The following JADE3 variants were observed in gnomAD, a reference collection of about 807,000 sequenced individuals.
JADE3 encodes jade family PHD finger 3, also known as protein Jade-3.
A neutral mutation model predicts 50.1 loss-of-function variants in JADE3; 2 were observed. The observed-to-expected ratio is 0.04, with a 90% confidence interval of 0.02 to 0.13. The LOEUF is 0.13. JADE3 is among the 10% of genes least tolerant of loss of function. The pLI is 1.00. For synonymous variants in JADE3, 218 were observed against 232.9 expected (o/e 0.94, Z 0.58); for missense variants, 475 against 634.4 (o/e 0.75, Z 2.70).
intron 1 of JADE3, among the ~76,000 whole-genome samples, chrX:46,974,589 T>G (rs782750723): frequency 8.9e-6 from 1 of 112,144 alleles, no homozygotes; most frequent in South Asian, 3.7e-4. Context: ...TCCTTAAGGA[T>G]TACTTCCAAA....
In JADE3 at chrX:47,059,102, A is replaced by ACCTTTG. The variant is rs1408338583; in HGVS notation, c.*34_*39dup. ...ATTAGAAACTTCCAAGGATGACCCA[A>ACCTTTG]CCTTTGCCTTTGCCCCATATATTGG... On this transcript the variant is annotated 3_prime_UTR_variant, in exon 11 of 11. Transcript: ENST00000614628. 4.5e-6 allele frequency: 5 copies of ACCTTTG among 1,108,109 alleles called. No homozygotes were observed. The highest frequency in any genetic ancestry group is 2.1e-5 in the South Asian group (1 of 46,919). The allele number at this position is 1,108,109 out of a possible 1,213,427, so 91.3% of individuals were successfully genotyped here. A position where few individuals can be genotyped will look rare whatever the true frequency, so the allele number is the denominator to read the frequency against.
At chrX:47,036,908 A>G (rs1311346674) in intron 7 of JADE3, among the ~76,000 whole-genome samples, 4 of 82,707 alleles carry the variant, frequency 4.8e-5, no homozygotes, top group African/African-American at 1.4e-4. Flanking sequence ...GAATTGAACA[A>G]TGAGATCACA....
intron 4 of JADE3, among the ~76,000 whole-genome samples, chrX:47,000,913 C>T (rs782072153): frequency 7.6e-4 from 85 of 111,815 alleles, no homozygotes; most frequent in Non-Finnish European, 1.1e-3. Context: ...TAGGGATGTG[C>T]GTTCCTAATT....
intron 6 of JADE3, among the ~76,000 whole-genome samples, chrX:47,030,327 A>G (rs890561920): frequency 2.7e-5 from 3 of 111,690 alleles, no homozygotes; most frequent in Admixed American, 9.6e-5. Flanking sequence ...CGATTCCGGT[A>G]ATGAATATAA....
chrX:46,964,168 A>T (rs890577045), intron 1 of JADE3, among the ~76,000 whole-genome samples: 5 of 112,113 alleles, frequency 4.5e-5, no homozygotes, highest in Admixed American at 3.8e-4. Context: ...TAAATCAGTC[A>T]TTAATCCTGG....
At chrX:47,034,730 G>C (rs1470503013) in intron 7 of JADE3, among the ~76,000 whole-genome samples, 1 of 108,192 alleles carries the variant, frequency 9.2e-6, no homozygotes, top group Non-Finnish European at 1.9e-5. Flanking sequence ...CTCCCGAGTA[G>C]CTGGGACTAC....
chrX:46,974,404 C>CA (rs1267918121), intron 1 of JADE3, among the ~76,000 whole-genome samples: 31 of 100,364 alleles, frequency 3.1e-4, no homozygotes, highest in Middle Eastern at 5.1e-3. Context: ...GACTCTGTCT[C>CA]AAAAAAAAAA....
chrX:46,950,430 T>C (rs937392862), intron 1 of JADE3, among the ~76,000 whole-genome samples: 1 of 112,443 alleles, frequency 8.9e-6, no homozygotes, highest in Admixed American at 9.4e-5. Flanking sequence ...AGTATAATGT[T>C]TTGGGGGTTT....
At chrX:46,935,925 G>T (rs368642120) in intron 1 of JADE3, among the ~76,000 whole-genome samples, 5 of 103,386 alleles carry the variant, frequency 4.8e-5, no homozygotes, top group African/African-American at 1.8e-4. Flanking sequence ...TGATCTCCTG[G>T]GCTAAAGCCT....
chrX:46,916,985 T>C (rs1316963856), intron 1 of JADE3, among the ~76,000 whole-genome samples: 2 of 111,602 alleles, frequency 1.8e-5, no homozygotes, highest in East Asian at 5.7e-4. Context: ...GAGAAGCCTT[T>C]GGTGTCATAT....
intron 4 of JADE3, among the ~76,000 whole-genome samples, chrX:47,018,113 C>T (rs1303974621): frequency 9.0e-6 from 1 of 110,870 alleles, no homozygotes; most frequent in Non-Finnish European, 1.9e-5. Context: ...AGTAAAAGAA[C>T]AACCCCTAAT....
chrX:46,966,131 C>CCTGGAA (rs2147122487), intron 1 of JADE3, among the ~76,000 whole-genome samples: 1 of 111,520 alleles, frequency 9.0e-6, no homozygotes, highest in East Asian at 2.8e-4. Flanking sequence ...ATTGGATGTT[C>CCTGGAA]CAGGGTAAGA....
Position 46,971,196 on chromosome X carries a change from A to G in JADE3, c.-11-13688A>G, listed in dbSNP as rs1556350201. On this transcript the variant is annotated intron_variant, in intron 1 of 10. Coordinates refer to ENST00000614628, the MANE Select transcript of JADE3 (RefSeq NM_014735.5). The stretch of plus-strand genomic sequence containing the variant: ...AATGGCGCGATCTCGGCTCACTGCA[A>G]CCTCTGCCTCCTGGGTTCAAGCAAT... Among the ~76,000 whole-genome samples the G allele has an allele frequency of 5.7e-4, 56 of 98,244 alleles. 1 individual carries two copies. The East Asian group carries it at 0.014, about 24-fold the overall frequency. 85.3% of individuals were successfully genotyped at this position (98,244 alleles called of 115,157 possible). A position where few individuals can be genotyped will look rare whatever the true frequency, so the allele number is the denominator to read the frequency against.
chrX:46,978,614 G>A (rs12843749), intron 1 of JADE3, among the ~76,000 whole-genome samples: 1 of 111,581 alleles, frequency 9.0e-6, no homozygotes, highest in African/African-American at 3.3e-5. Flanking sequence ...GAGTGGATTG[G>A]GGGGAACAGC....
At chrX:46,915,719 A>G (rs1926067864) in intron 1 of JADE3, among the ~76,000 whole-genome samples, 1 of 109,644 alleles carries the variant, frequency 9.1e-6, no homozygotes, top group African/African-American at 3.3e-5. Context: ...CAAAATTCTT[A>G]CCATTAGAAC....
chrX:47,030,264 A>G (rs1282509598), intron 6 of JADE3, among the ~76,000 whole-genome samples: 1 of 111,594 alleles, frequency 9.0e-6, no homozygotes, highest in Non-Finnish European at 1.9e-5. Context: ...AGGTTCTTTA[A>G]CAAACTCAAA....
intron 10 of JADE3, among the ~76,000 whole-genome samples, chrX:47,057,170 A>G (rs993293623): frequency 4.5e-5 from 5 of 110,906 alleles, no homozygotes; most frequent in Non-Finnish European, 9.5e-5. Flanking sequence ...GTAGGAGTCA[A>G]CCTCATTATG....
chrX:46,913,453 A>C (rs1556335618), intron 1 of JADE3, among the ~76,000 whole-genome samples: 2 of 111,232 alleles, frequency 1.8e-5, no homozygotes, highest in African/African-American at 6.5e-5. Context: ...GGGCTTTGCT[A>C]GTCTTCCGGG....
intron 1 of JADE3, among the ~76,000 whole-genome samples, chrX:46,925,130 A>T (rs1383213827): frequency 8.9e-6 from 1 of 112,188 alleles, no homozygotes; most frequent in Non-Finnish European, 1.9e-5. Context: ...TTCTATTTTT[A>T]TACTAATGAT....
Sources: gnomAD v4.1 joint callset for allele counts (sites outside exome capture counted in the v4.1 genomes callset) on GRCh38, gnomAD v4.1.1 for gene constraint, MANE v1.5 for transcripts, NCBI Gene and HGNC (gene_info 2026-07-23, HGNC 2026-07-21) for gene names.